The following ARMC9 variants were observed in gnomAD, a reference collection of about 807,000 sequenced individuals.
The protein encoded by ARMC9 is lisH domain-containing protein ARMC9.
ARMC9 carries 94 observed loss-of-function variants against 107.0 expected under a neutral mutation model. The observed-to-expected ratio is 0.88, with a 90% CI of 0.74 to 1.04. The LOEUF (loss-of-function observed/expected upper bound fraction) is 1.04. Ranked by LOEUF, ARMC9 falls within the 50% of genes least tolerant of loss-of-function variation. ARMC9 has a pLI of 0.00. For missense variants in ARMC9, 942 were observed against 1,030.1 expected, an observed-to-expected ratio of 0.91 and a Z score of 1.17; for synonymous variants, 380 against 396.9, an observed-to-expected ratio of 0.96 and a Z score of 0.51.
At chr2:231,361,988 T>C (rs1230494024) in intron 23 of ARMC9, among the ~76,000 whole-genome samples, 2 of 151,896 alleles carry the variant, frequency 1.3e-5, no homozygotes, top group African/African-American at 2.4e-5. Context: ...AAATCGGAAC[T>C]GTGGGAAGGA....
chr2:231,215,121 T>C, intron 4 of ARMC9, 120 bp downstream of exon 4: 1 of 1,143,134 alleles, frequency 8.7e-7, no homozygotes, highest in Non-Finnish European at 1.2e-6. Flanking sequence ...GCTTACGAGG[T>C]ACAGGCATCC....
chr2:231,237,175 C>CATGTGTGT (rs71296843), intron 8 of ARMC9, among the ~76,000 whole-genome samples: 1 of 148,698 alleles, frequency 6.7e-6, no homozygotes, highest in African/African-American at 2.5e-5. Context: ...TCTGCGTATG[C>CATGTGTGT]GTGTGTGTGT....
chr2:231,277,931 G>T (rs2039902758), intron 15 of ARMC9, among the ~76,000 whole-genome samples: 1 of 152,090 alleles, frequency 6.6e-6, no homozygotes, highest in South Asian at 2.1e-4. Flanking sequence ...CACCATATTT[G>T]CAGTGATTTT....
chr2:231,362,370 ACTT>A lies in ARMC9; in HGVS notation c.2261+1491_2261+1493del, dbSNP rs141810318. ...CAAACCTACGCTTCCGGTATAGGCC[ACTT>A]CTTTTTACTTCCTGCAAATGCTGAG... is the stretch of plus-strand genomic sequence containing the variant. On this transcript the variant is annotated intron_variant, in intron 23 of 24. Transcript: ENST00000611582. This position sits in a 1 kb window ranked among gnomAD's most constrained non-coding sequence, Gnocchi z 4.7. Among the ~76,000 whole-genome samples the A allele has an allele frequency of 0.035, 5,284 of 152,164 alleles. 112 individuals are homozygous for A. The highest frequency in any genetic ancestry group is 0.047 in the Non-Finnish European group (3,167 of 67,988).
chr2:231,208,543 T>C (rs902464130), intron 3 of ARMC9, among the ~76,000 whole-genome samples: 2 of 151,780 alleles, frequency 1.3e-5, no homozygotes, highest in African/African-American at 4.8e-5. Flanking sequence ...TCCTGAGGAG[T>C]TTCAGGTTAT....
chr2:231,262,673 C>T (rs1046254608), intron 12 of ARMC9, among the ~76,000 whole-genome samples: 4 of 152,146 alleles, frequency 2.6e-5, no homozygotes, highest in Non-Finnish European at 4.4e-5. Flanking sequence ...TCACTGCTTA[C>T]CATGAGTCCT....
intron 10 of ARMC9, among the ~76,000 whole-genome samples, chr2:231,258,605 C>G (rs2038056834): frequency 6.6e-6 from 1 of 152,162 alleles, no homozygotes; most frequent in African/African-American, 2.4e-5. Flanking sequence ...CCTGCTGATG[C>G]TAATTTTCTT....
intron 14 of ARMC9, among the ~76,000 whole-genome samples, chr2:231,275,879 G>A (rs2039706830): frequency 6.6e-6 from 1 of 152,172 alleles, no homozygotes; most frequent in African/African-American, 2.4e-5. Context: ...CTTGAACCCA[G>A]GAGGCGGAGG....
At chr2:231,220,442 C>A (rs1456937209) in intron 5 of ARMC9, among the ~76,000 whole-genome samples, 1 of 151,746 alleles carries the variant, frequency 6.6e-6, no homozygotes, top group African/African-American at 2.4e-5. Context: ...ACTAAAAATA[C>A]AAAAATTAGC....
In ARMC9 at chr2:231,362,463, G is replaced by A. The variant is rs1168532438; in HGVS notation, c.2261+1580G>A. 6.6e-6 allele frequency among the ~76,000 whole-genome samples: 1 copy of A among 152,022 alleles called. No homozygotes were observed. Among genetic ancestry groups the A allele is most frequent in the Non-Finnish European group, 1.5e-5 (1 of 68,026 alleles). ...CCCAGAAATAACTGTTTTCACAGTAGGTAGGCAGCCGACCCTGAGGGACCT... is the reference window on the plus strand; with the variant it reads ...CCCAGAAATAACTGTTTTCACAGTAAGTAGGCAGCCGACCCTGAGGGACCT... On this transcript the variant is annotated intron_variant, in intron 23 of 24. Coordinates refer to ENST00000611582, the MANE Select transcript of ARMC9 (RefSeq NM_001352754.2). This position sits in a 1 kb window ranked among gnomAD's most constrained non-coding sequence, Gnocchi z 4.7.
In ARMC9 at chr2:231,371,810, C is replaced by T. The variant is rs61385969; in HGVS notation, c.*275C>T. On this transcript the variant is annotated 3_prime_UTR_variant, in exon 25 of 25. Transcript: ENST00000611582. ...GAATTTCCTGCTCACCCTTCACACA[C>T]AGAGGAGAGGGGTGGCTTTTGCCCG... is the stretch of plus-strand genomic sequence containing the variant. The T allele has an allele frequency of 0.11, 40,241 of 371,824 alleles. 2,436 individuals are homozygous for T. Among genetic ancestry groups the T allele is most frequent in the Middle Eastern group, 0.18 (260 of 1,438 alleles). 23.0% of individuals were successfully genotyped at this position (371,824 alleles called of 1,614,324 possible).
intron 9 of ARMC9, among the ~76,000 whole-genome samples, chr2:231,245,047 G>A (rs975351378): frequency 6.6e-6 from 1 of 152,338 alleles, no homozygotes; most frequent in Non-Finnish European, 1.5e-5. Flanking sequence ...AAAGCTGCCC[G>A]TGTTATCGAA....
intron 19 of ARMC9, among the ~76,000 whole-genome samples, chr2:231,320,057 C>T (rs1004388484): frequency 6.6e-6 from 1 of 152,198 alleles, no homozygotes; most frequent in African/African-American, 2.4e-5. Flanking sequence ...TACTGGCTTG[C>T]TTTTTTCATT....
At chr2:231,329,851 G>A (rs1222901900) in intron 19 of ARMC9, among the ~76,000 whole-genome samples, 1 of 152,120 alleles carries the variant, frequency 6.6e-6, no homozygotes, top group Non-Finnish European at 1.5e-5. Flanking sequence ...TTTCTTTGTA[G>A]ATTCCTTATT....
Position 231,271,033 on chromosome 2 carries a change from A to G in ARMC9, c.1171A>G (p.Met391Val), listed in dbSNP as rs755305213. The G allele has an allele frequency of 1.1e-5, 17 of 1,614,174 alleles. 1 individual carries two copies. In the South Asian group the frequency reaches 1.4e-4, roughly 14 times the overall value. Reference sequence around the variant, plus strand: ...CACGAGCGACGTGGTGCGGCAGTACATGGCCAGGCTCATCAATGCTTTTGC... The same window carrying G: ...CACGAGCGACGTGGTGCGGCAGTACGTGGCCAGGCTCATCAATGCTTTTGC... ...HSTSDVVRQYMARLINAFASL... is the reference protein window; with the variant it reads ...HSTSDVVRQYVARLINAFASL... Residue 391 changes from methionine (M) to valine (V), a missense_variant, in exon 13 of 25, where the codon ATG (methionine) becomes GTG (valine). Physicochemically the swap from Met to Val is conservative, Grantham distance 21. Transcript: ENST00000611582.
chr2:231,247,081 G>A (rs568867499), intron 9 of ARMC9, among the ~76,000 whole-genome samples: 3 of 151,838 alleles, frequency 2.0e-5, no homozygotes, highest in South Asian at 2.1e-4. Flanking sequence ...TCAGCCTCCC[G>A]AGTAGCTGGG....
At chr2:231,357,336 A>C (rs759418694) in intron 22 of ARMC9, among the ~76,000 whole-genome samples, 2 of 152,116 alleles carry the variant, frequency 1.3e-5, no homozygotes, top group Non-Finnish European at 2.9e-5. Context: ...GCTTTTCCCA[A>C]ATCCCGCTGT....
intron 9 of ARMC9, 155 bp from the exon 10 acceptor site, chr2:231,256,431 G>C (rs2037819419): frequency 1.8e-6 from 2 of 1,118,052 alleles, no homozygotes; most frequent in African/African-American, 1.6e-5. Context: ...TAAATAAAGC[G>C]TTTGTGTTTC....
chr2:231,255,180 A>AACACACACACACACACACAC lies in ARMC9; in HGVS notation c.880-1384_880-1365dup, dbSNP rs3042595. Among the ~76,000 whole-genome samples the AACACACACACACACACACAC allele has an allele frequency of 2.0e-5, 3 of 146,760 alleles. No homozygotes were observed. The highest frequency in any genetic ancestry group is 7.5e-5 in the African/African-American group (3 of 40,026). On this transcript the variant is annotated intron_variant, in intron 9 of 24. Coordinates refer to ENST00000611582, the MANE Select transcript of ARMC9 (RefSeq NM_001352754.2). The surrounding 1 kb of genome is among the most constrained non-coding windows in gnomAD (Gnocchi z 4.7). The stretch of plus-strand genomic sequence containing the variant: ...AGCACTACCTGTAGTGGCAAAAAGA[A>AACACACACACACACACACAC]ACACACACACACACACACACACACA...
Sources: allele counts gnomAD v4.1 joint callset (sites outside exome capture counted in the v4.1 genomes callset), GRCh38; gene constraint gnomAD v4.1.1; non-coding constraint Gnocchi (gnomAD v3.1); transcripts MANE v1.5; gene names NCBI Gene and HGNC (gene_info 2026-07-23, HGNC 2026-07-21).